ITSN1: variants seen among roughly 807,000 people sequenced by gnomAD.
ITSN1 encodes the protein intersectin-1.
ITSN1 carries 58 observed loss-of-function variants against 239.8 expected under a neutral mutation model. That is an observed-to-expected ratio of 0.24 (90% CI 0.20 to 0.30). ITSN1 has a LOEUF of 0.30. Among genes scored for constraint, ITSN1 ranks in the 10% least tolerant of loss-of-function variants. The probability of loss-of-function intolerance (pLI) is 1.00; values close to 1 mark genes in which losing one functional copy is unlikely to be tolerated. For missense variants in ITSN1, 1,558 were observed against 2,103.3 expected, an observed-to-expected ratio of 0.74 and a Z score of 5.07; for synonymous variants, 780 against 770.8, an observed-to-expected ratio of 1.01 and a Z score of -0.20.
In ITSN1 at chr21:33,686,860, T is replaced by A. The variant is rs114924171; in HGVS notation, c.-32-31937T>A. Among the ~76,000 whole-genome samples the A allele has an allele frequency of 7.5e-3, 1,136 of 152,306 alleles. 10 individuals carry two copies. The highest frequency in any genetic ancestry group is 0.026 in the African/African-American group (1,075 of 41,560). On this transcript the variant is annotated intron_variant, in intron 1 of 39. Coordinates refer to ENST00000381318, the MANE Select transcript of ITSN1 (RefSeq NM_003024.3). ...AGCTAGGTCACGAAACTCCTCAGTT[T>A]TTTTGGGTTCTCATTATGTGTTTAT...
At chr21:33,715,944 TA>T (rs2065111501) in intron 1 of ITSN1, among the ~76,000 whole-genome samples, 1 of 151,932 alleles carries the variant, frequency 6.6e-6, no homozygotes, top group African/African-American at 2.4e-5. Context: ...ATAAAATACA[TA>T]AATAAGTGAA....
intron 1 of ITSN1, among the ~76,000 whole-genome samples, chr21:33,718,291 G>C (rs1487347470): frequency 6.6e-6 from 1 of 152,150 alleles, no homozygotes; most frequent in Non-Finnish European, 1.5e-5. Context: ...GGTAATTATA[G>C]ATGGTTAAGA....
chr21:33,710,738 A>G (rs140645529), intron 1 of ITSN1, among the ~76,000 whole-genome samples: 137 of 147,764 alleles, frequency 9.3e-4, no homozygotes, highest in African/African-American at 3.3e-3. Context: ...TAATTTTTGT[A>G]TTATTTCTTC....
chr21:33,797,339 G>C lies in ITSN1; in HGVS notation c.1953-40G>C, dbSNP rs1180668838. On this transcript the variant is annotated intron_variant, in intron 17 of 39. Coordinates refer to ENST00000381318, the MANE Select transcript of ITSN1 (RefSeq NM_003024.3). The surrounding 1 kb of genome is among the most constrained non-coding windows in gnomAD (Gnocchi z 4.9). ...AAGAGGCAACAGTAGTGTTAACTTAGAGTTGCTTTCTTGCTGTAATCAAGC... is the reference window on the plus strand; with the variant it reads ...AAGAGGCAACAGTAGTGTTAACTTACAGTTGCTTTCTTGCTGTAATCAAGC... 1 of 1,561,872 alleles carries C rather than the reference G, an allele frequency of 6.4e-7. No homozygotes were observed. The highest frequency in any genetic ancestry group is 2.2e-5 in the East Asian group (1 of 44,636).
chr21:33,685,544 A>G (rs2091196542), intron 1 of ITSN1, among the ~76,000 whole-genome samples: 1 of 152,022 alleles, frequency 6.6e-6, no homozygotes, highest in African/African-American at 2.4e-5. Context: ...TAGCTCTTAA[A>G]AACACATTTA....
chr21:33,868,313 A>G (rs7280654), intron 33 of ITSN1, among the ~76,000 whole-genome samples: 61,912 of 151,812 alleles, frequency 0.41, 13,337 homozygotes, highest in East Asian at 0.5. Context: ...CGCGCCATGC[A>G]CTCGCACTCC....
chr21:33,722,488 A>G (rs948142631), intron 3 of ITSN1, 100 bp from the exon 4 acceptor site: 1 of 1,407,368 alleles, frequency 7.1e-7, no homozygotes, highest in Non-Finnish European at 9.3e-7. Flanking sequence ...TTATAGTATT[A>G]CCAGCCTCTT....
intron 17 of ITSN1, among the ~76,000 whole-genome samples, chr21:33,794,703 A>G (rs949917058): frequency 1.3e-5 from 2 of 152,202 alleles, no homozygotes; most frequent in Non-Finnish European, 2.9e-5. Flanking sequence ...ATGTAGATAA[A>G]TGGAATTATA....
Position 33,744,109 on chromosome 21 carries a change from G to A in ITSN1, c.347-6034G>A, listed in dbSNP as rs745308104. On this transcript the variant is annotated intron_variant, in intron 5 of 39. Coordinates refer to ENST00000381318, the MANE Select transcript of ITSN1 (RefSeq NM_003024.3). ...GGAAGGCTGAGGAGGAGAGAGTATC[G>A]GATGTAATTCCCATGCACTGTCAAT... Among the ~76,000 whole-genome samples the A allele has an allele frequency of 8.8e-4, 134 of 152,158 alleles. 1 individual carries two copies. Among genetic ancestry groups the A allele is most frequent in the Non-Finnish European group, 1.3e-3 (87 of 68,036 alleles).
intron 1 of ITSN1, among the ~76,000 whole-genome samples, chr21:33,682,532 C>CT (rs1212767057): frequency 2.0e-5 from 3 of 150,214 alleles, no homozygotes; most frequent in African/African-American, 7.4e-5. Flanking sequence ...CTTTTCTTTT[C>CT]TTTCTTTTTT....
At chr21:33,764,850 G>C (rs1234666370) in intron 9 of ITSN1, among the ~76,000 whole-genome samples, 1 of 152,304 alleles carries the variant, frequency 6.6e-6, no homozygotes, top group Non-Finnish European at 1.5e-5. Context: ...CTTGCCAGGA[G>C]AATGTTTGCT....
intron 12 of ITSN1, chr21:33,774,479 G>C: frequency 6.4e-6 from 2 of 312,606 alleles, no homozygotes; most frequent in Non-Finnish European, 1.2e-5. Flanking sequence ...AATTCTAATG[G>C]GGAAATAATC....
chr21:33,743,242 G>C (rs552565621), intron 5 of ITSN1, among the ~76,000 whole-genome samples: 26 of 152,352 alleles, frequency 1.7e-4, no homozygotes, highest in African/African-American at 5.8e-4. Context: ...GAGGTGAGCG[G>C]ATCACCTGAG....
intron 27 of ITSN1, among the ~76,000 whole-genome samples, chr21:33,831,054 G>T (rs2074265294): frequency 6.6e-6 from 1 of 152,182 alleles, no homozygotes; most frequent in African/African-American, 2.4e-5. Context: ...TAAATAAAAA[G>T]TTGCCTTTAA....
chr21:33,775,463 A>C lies in ITSN1; in HGVS notation c.1596+355A>C, dbSNP rs1359110619. 1.3e-5 allele frequency among the ~76,000 whole-genome samples: 2 copies of C among 152,346 alleles called. 1 individual carries two copies. The highest frequency in any genetic ancestry group is 3.9e-4 in the East Asian group (2 of 5,192). On this transcript the variant is annotated intron_variant, in intron 14 of 39. Coordinates refer to ENST00000381318, the MANE Select transcript of ITSN1 (RefSeq NM_003024.3). ...ATGAAAAGTGCTATGGAGAGTGAGT[A>C]GGGAAGGGAATAGAGAGTCCTAGGG...
At chr21:33,857,862 A>C (rs1402284800) in intron 30 of ITSN1, among the ~76,000 whole-genome samples, 1 of 152,190 alleles carries the variant, frequency 6.6e-6, no homozygotes, top group Admixed American at 6.5e-5. Context: ...TGCCGGGTTC[A>C]ACGTCGGCTT....
intron 20 of ITSN1, among the ~76,000 whole-genome samples, chr21:33,810,464 G>T (rs967590754): frequency 6.6e-6 from 1 of 151,670 alleles, no homozygotes; most frequent in African/African-American, 2.4e-5. Context: ...TTTGCTTCTC[G>T]TGGAAACCAT....
chr21:33,719,060 C>A (rs1029163941), intron 2 of ITSN1, among the ~76,000 whole-genome samples: 1 of 152,188 alleles, frequency 6.6e-6, no homozygotes, highest in Non-Finnish European at 1.5e-5. Context: ...GGCATCATTT[C>A]ATCTATAAAT....
chr21:33,693,342 G>A (rs563937539), intron 1 of ITSN1, among the ~76,000 whole-genome samples: 4 of 150,306 alleles, frequency 2.7e-5, no homozygotes, highest in African/African-American at 9.8e-5. Context: ...GTTTTGTTTT[G>A]TTTTGTTTTG....
Sources: gnomAD v4.1 joint callset for allele counts (sites outside exome capture counted in the v4.1 genomes callset) on GRCh38, gnomAD v4.1.1 for gene constraint, Gnocchi (gnomAD v3.1) non-coding constraint, MANE v1.5 for transcripts, NCBI Gene and HGNC (gene_info 2026-07-23, HGNC 2026-07-21) for gene names.